The following TSPAN5 variants were observed in gnomAD, a reference collection of about 807,000 sequenced individuals.
TSPAN5 encodes the protein tetraspanin-5.
In TSPAN5, 10 loss-of-function variants were observed where a neutral mutation model predicts 37.1. The ratio of observed to expected loss-of-function variants is 0.27; its 90% CI spans 0.17 to 0.46. The LOEUF (loss-of-function observed/expected upper bound fraction) is 0.46. Ranked by LOEUF, TSPAN5 falls within the 20% of genes least tolerant of loss-of-function variation. The probability of loss-of-function intolerance (pLI) is 1.00; values close to 1 mark genes in which losing one functional copy is unlikely to be tolerated. For missense variants in TSPAN5, 195 were observed against 326.6 expected, an observed-to-expected ratio of 0.60 and a Z score of 3.11; for synonymous variants, 110 against 118.9, an observed-to-expected ratio of 0.93 and a Z score of 0.48.
At chr4:98,653,037 C>T (rs1303977089) in intron 1 of TSPAN5, among the ~76,000 whole-genome samples, 2 of 152,226 alleles carry the variant, frequency 1.3e-5, no homozygotes, top group Non-Finnish European at 2.9e-5. Flanking sequence ...TTACACTTTT[C>T]CCATATGACA....
chr4:98,527,162 A>T (rs1165573725), intron 1 of TSPAN5, among the ~76,000 whole-genome samples: 1 of 152,230 alleles, frequency 6.6e-6, no homozygotes, highest in Non-Finnish European at 1.5e-5. Flanking sequence ...GCAAGTGAGA[A>T]TCAGACAGGT....
intron 1 of TSPAN5, among the ~76,000 whole-genome samples, chr4:98,631,535 C>T (rs939154062): frequency 7.9e-5 from 12 of 152,066 alleles, no homozygotes; most frequent in Non-Finnish European, 1.5e-4. Flanking sequence ...TGGGCCTCCA[C>T]GAGTCTTAGA....
intron 1 of TSPAN5, among the ~76,000 whole-genome samples, chr4:98,553,801 T>C (rs751765319): frequency 7.2e-5 from 11 of 152,162 alleles, no homozygotes; most frequent in Non-Finnish European, 1.3e-4. Context: ...GCACGGTGGC[T>C]CACGCCTGTA....
chr4:98,590,074 A>T (rs780064979), intron 1 of TSPAN5, among the ~76,000 whole-genome samples: 2 of 152,156 alleles, frequency 1.3e-5, no homozygotes, highest in Non-Finnish European at 2.9e-5. Flanking sequence ...ACATGCTGCA[A>T]AGGTACACAA....
chr4:98,547,031 C>G (rs926893873), intron 1 of TSPAN5, among the ~76,000 whole-genome samples: 1 of 152,198 alleles, frequency 6.6e-6, no homozygotes, highest in Non-Finnish European at 1.5e-5. Context: ...TGGAAACTCA[C>G]AGGACAGCTT....
At chr4:98,635,970 A>G (rs938328580) in intron 1 of TSPAN5, among the ~76,000 whole-genome samples, 1 of 152,226 alleles carries the variant, frequency 6.6e-6, no homozygotes, top group East Asian at 1.9e-4. Flanking sequence ...ATAATTCTGG[A>G]ACCAATTTTG....
At position 98,602,507 on chromosome 4, in the gene TSPAN5, C is replaced by T. The variant is rs544754548; in HGVS notation, c.81+55639G>A. Among the ~76,000 whole-genome samples the T allele has an allele frequency of 3.3e-3, 499 of 152,268 alleles. 1 individual carries two copies. The highest frequency in any genetic ancestry group is 0.011 in the African/African-American group (469 of 41,546). ...TTTCAAAATTTCTTTTTGACAAAGC[C>T]TCACTTACCTCTCTTCCACTCCCTC... On this transcript the variant is annotated intron_variant, in intron 1 of 7. Coordinates refer to ENST00000305798, the MANE Select transcript of TSPAN5 (RefSeq NM_005723.4).
At chr4:98,520,582 C>T (rs562228084) in intron 1 of TSPAN5, among the ~76,000 whole-genome samples, 108 of 152,278 alleles carry the variant, frequency 7.1e-4, no homozygotes, top group Admixed American at 1.6e-3. Context: ...GGTGTAGTGG[C>T]GAGCTGCAGA....
chr4:98,479,446 T>C (rs555140976), intron 4 of TSPAN5, among the ~76,000 whole-genome samples: 6 of 152,146 alleles, frequency 3.9e-5, no homozygotes, highest in Non-Finnish European at 8.8e-5. Context: ...TGCTTCCCCC[T>C]GCAGAGAGCC....
At chr4:98,642,615 C>T (rs1048353144) in intron 1 of TSPAN5, among the ~76,000 whole-genome samples, 1 of 151,874 alleles carries the variant, frequency 6.6e-6, no homozygotes, top group Admixed American at 6.6e-5. Flanking sequence ...CCAAAGAGAG[C>T]ACATATCTAC....
chr4:98,505,957 G>C (rs1753470825), intron 2 of TSPAN5, among the ~76,000 whole-genome samples: 1 of 152,116 alleles, frequency 6.6e-6, no homozygotes, highest in South Asian at 2.1e-4. Context: ...TCAACCCCTT[G>C]CTCTGATATT....
At chr4:98,541,857 A>C (rs925822419) in intron 1 of TSPAN5, among the ~76,000 whole-genome samples, 1 of 152,094 alleles carries the variant, frequency 6.6e-6, no homozygotes, top group Non-Finnish European at 1.5e-5. Context: ...CTACCTCTAA[A>C]AGCCTAGACT....
At chr4:98,579,868 T>G (rs1227976342) in intron 1 of TSPAN5, among the ~76,000 whole-genome samples, 6 of 152,210 alleles carry the variant, frequency 3.9e-5, no homozygotes, top group Non-Finnish European at 8.8e-5. Context: ...ATATGAAAAT[T>G]TATGTGAAAT....
intron 1 of TSPAN5, among the ~76,000 whole-genome samples, chr4:98,534,600 A>G (rs1455940231): frequency 6.6e-6 from 1 of 152,164 alleles, no homozygotes; most frequent in African/African-American, 2.4e-5. Context: ...TGATCTGTCT[A>G]ATATTGACAG....
At chr4:98,550,358 CTA>C (rs1754583522) in intron 1 of TSPAN5, among the ~76,000 whole-genome samples, 2 of 152,040 alleles carry the variant, frequency 1.3e-5, no homozygotes, top group Non-Finnish European at 2.9e-5. Context: ...ATTGCTTTGG[CTA>C]TTCTGGCTTT....
At chr4:98,582,118 G>A (rs776254472) in intron 1 of TSPAN5, among the ~76,000 whole-genome samples, 2 of 152,196 alleles carry the variant, frequency 1.3e-5, no homozygotes, top group Admixed American at 6.5e-5. Flanking sequence ...AGGTGGAATC[G>A]TTAAACAGAG....
rs545183935 is a variant in TSPAN5 at position 98,531,833 on chromosome 4, T to A, written c.82-24105A>T. On this transcript the variant is annotated intron_variant, in intron 1 of 7. Transcript: ENST00000305798. ...ACCAATAATGATGAGCTTTTTTTCATATGTTTGTTGGCTGCATAAATGTCT... is the reference window on the plus strand; with the variant it reads ...ACCAATAATGATGAGCTTTTTTTCAAATGTTTGTTGGCTGCATAAATGTCT... 7.1e-4 allele frequency among the ~76,000 whole-genome samples: 108 copies of A among 152,362 alleles called. 4 individuals carry two copies. The South Asian group carries it at 0.022, about 31-fold the overall frequency.
At chr4:98,608,520 G>C (rs1041734369) in intron 1 of TSPAN5, among the ~76,000 whole-genome samples, 1 of 152,158 alleles carries the variant, frequency 6.6e-6, no homozygotes, top group African/African-American at 2.4e-5. Context: ...TCACCACGGA[G>C]AGGAACAGTC....
chr4:98,658,082 TG>T, intron 1 of TSPAN5, 63 bp downstream of exon 1: 1 of 1,432,218 alleles, frequency 7.0e-7, no homozygotes, highest in Non-Finnish European at 9.9e-7. Flanking sequence ...ACGAACAACG[TG>T]GGGGAAATCG....
Sources: gnomAD v4.1 joint callset for allele counts (sites outside exome capture counted in the v4.1 genomes callset) on GRCh38, gnomAD v4.1.1 for gene constraint, MANE v1.5 for transcripts, NCBI Gene and HGNC (gene_info 2026-07-23, HGNC 2026-07-21) for gene names.